Variants in RBBP6 observed in about 807,000 individuals in gnomAD.
RBBP6 encodes the protein E3 ubiquitin-protein ligase RBBP6.
In RBBP6, 25 loss-of-function variants were observed where a neutral mutation model predicts 167.7. That is an observed-to-expected ratio of 0.15 (90% CI 0.11 to 0.21). The LOEUF is 0.21. RBBP6 is among the 10% of genes least tolerant of loss of function. RBBP6 has a pLI of 1.00. For synonymous variants in RBBP6, 789 were observed against 735.8 expected (o/e 1.07, Z -1.17); for missense variants, 1,868 against 2,134.2 (o/e 0.88, Z 2.46).
intron 3 of RBBP6, chr16:24,549,296 CATG>C (rs1596501706): frequency 8.5e-7 from 1 of 1,171,894 alleles, no homozygotes; most frequent in Non-Finnish European, 1.1e-6. Flanking sequence ...CACTAAGGAA[CATG>C]ATGACATGTT....
Position 24,541,925 on chromosome 16 carries a change from A to G in RBBP6, c.166+1133A>G, listed in dbSNP as rs978630004. On this transcript the variant is annotated intron_variant, in intron 1 of 17. Coordinates refer to ENST00000319715, the MANE Select transcript of RBBP6 (RefSeq NM_006910.5). Reference sequence around the variant, plus strand: ...CCCACCTCCAGCCTGTAGTTTAGGTAGAGTAAATCTTGTCATGTAGAAGAC... The same window carrying G: ...CCCACCTCCAGCCTGTAGTTTAGGTGGAGTAAATCTTGTCATGTAGAAGAC... Among the ~76,000 whole-genome samples, 21 of 152,354 alleles carry G rather than the reference A, an allele frequency of 1.4e-4. 5 individuals are homozygous for G. Among genetic ancestry groups the G allele is most frequent in the South Asian group, 4.1e-4 (2 of 4,828 alleles).
Position 24,569,312 on chromosome 16 carries a change from C to T in RBBP6, c.2622C>T (p.Pro874=). 1 of 1,612,490 alleles carries T rather than the reference C, an allele frequency of 6.2e-7. No individual in the cohort carries two copies. ...TGCCACTTAACATCAGGAATTCTCC[C>T]TTCACAAGAGGCCGCAGAGAAGACT... ...RFLPLNIRNS[P]FTRGRREDYV... The change falls in exon 17 of 18, where the codon CCC becomes CCT. Residue 874 remains proline (P), a synonymous_variant. Coordinates refer to ENST00000319715, the MANE Select transcript of RBBP6 (RefSeq NM_006910.5).
At chr16:24,552,821 T>G (rs962932544) in intron 3 of RBBP6, among the ~76,000 whole-genome samples, 1 of 151,866 alleles carries the variant, frequency 6.6e-6, no homozygotes, top group South Asian at 2.1e-4. Context: ...ATATCCTTTA[T>G]GTACACTTGC....
Position 24,569,325 on chromosome 16 carries a change from C to T in RBBP6, c.2635C>T (p.Arg879Cys), listed in dbSNP as rs142636071. The T allele has an allele frequency of 2.9e-5, 46 of 1,613,194 alleles. No individual in the cohort carries two copies. The highest frequency in any genetic ancestry group is 2.0e-4 in the African/African-American group (15 of 74,882). The change falls in exon 17 of 18, where the codon CGC becomes TGC. Residue 879 changes from arginine to cysteine, a missense_variant. Coordinates refer to ENST00000319715, the MANE Select transcript of RBBP6 (RefSeq NM_006910.5). Reference sequence around the variant, plus strand: ...CAGGAATTCTCCCTTCACAAGAGGCCGCAGAGAAGACTATGTTGGTGGGCA... The same window carrying T: ...CAGGAATTCTCCCTTCACAAGAGGCTGCAGAGAAGACTATGTTGGTGGGCA... ...NIRNSPFTRG[R>C]REDYVGGQSH...
At chr16:24,565,072 C>G (rs571658508) in intron 14 of RBBP6, among the ~76,000 whole-genome samples, 1 of 152,256 alleles carries the variant, frequency 6.6e-6, no homozygotes, top group South Asian at 2.1e-4. Flanking sequence ...GTTTTTAAGA[C>G]ATTTTTAATA....
chr16:24,553,242 G>T (rs1014775931), intron 3 of RBBP6: 1 of 347,224 alleles, frequency 2.9e-6, no homozygotes, highest in Non-Finnish European at 5.4e-6. Context: ...CTAGTATTCA[G>T]TCGACACTCT....
At chr16:24,555,283 G>C (rs1317006029) in intron 4 of RBBP6, 1 of 176,902 alleles carries the variant, frequency 5.7e-6, no homozygotes, top group African/African-American at 2.4e-5. Flanking sequence ...TCTGACACTT[G>C]AATTATTTTT....
chr16:24,559,824 CTGTT>C, intron 8 of RBBP6, 147 bp downstream of exon 8: 1 of 638,990 alleles, frequency 1.6e-6, no homozygotes, highest in Non-Finnish European at 2.3e-6. Context: ...AGTGAGAAGT[CTGTT>C]TTTCTTGCTG....
chr16:24,547,662 G>C (rs773160139), intron 2 of RBBP6, among the ~76,000 whole-genome samples: 1 of 152,108 alleles, frequency 6.6e-6, no homozygotes, highest in Non-Finnish European at 1.5e-5. Flanking sequence ...CACCATGTTG[G>C]CCCGGCTGGT....
intron 1 of RBBP6, among the ~76,000 whole-genome samples, chr16:24,544,290 G>C (rs936271702): frequency 6.6e-6 from 1 of 152,098 alleles, no homozygotes; most frequent in Non-Finnish European, 1.5e-5. Flanking sequence ...AAGCTTCCTC[G>C]GAATTTGGGG....
chr16:24,563,065 T>G (rs976593009), intron 10 of RBBP6, 134 bp from the exon 11 acceptor site: 16 of 614,346 alleles, frequency 2.6e-5, no homozygotes, highest in African/African-American at 7.7e-5. Context: ...TCTCTCACTT[T>G]CCTCAGAAGT....
chr16:24,560,057 G>A (rs1295431796), intron 8 of RBBP6, among the ~76,000 whole-genome samples: 1 of 150,284 alleles, frequency 6.7e-6, no homozygotes, highest in Non-Finnish European at 1.5e-5. Flanking sequence ...ATTGTGAATA[G>A]CTTATCCTAA....
At chr16:24,558,900 C>A (rs1344191877) in intron 7 of RBBP6, among the ~76,000 whole-genome samples, 1 of 152,094 alleles carries the variant, frequency 6.6e-6, no homozygotes, top group Admixed American at 6.6e-5. Context: ...ATAAGTAGAT[C>A]ATGGGTTTTG....
At chr16:24,548,662 A>G (rs1203085413) in intron 2 of RBBP6, among the ~76,000 whole-genome samples, 1 of 152,192 alleles carries the variant, frequency 6.6e-6, no homozygotes, top group Non-Finnish European at 1.5e-5. Context: ...AAATCCCTAT[A>G]CTACCTTTCA....
At chr16:24,570,836 A>G (rs1567281517) in intron 17 of RBBP6, 40 bp from the exon 18 acceptor site, 1 of 1,340,584 alleles carries the variant, frequency 7.5e-7, no homozygotes, top group East Asian at 2.6e-5. Flanking sequence ...ATTAATAGTA[A>G]ATTCTTCATT....
intron 8 of RBBP6, among the ~76,000 whole-genome samples, chr16:24,560,441 C>T (rs920144352): frequency 3.9e-5 from 6 of 152,196 alleles, no homozygotes; most frequent in Non-Finnish European, 7.3e-5. Flanking sequence ...ATTTACCATG[C>T]AGTTGTGACT....
At position 24,570,174 on chromosome 16, in the gene RBBP6, T is replaced by C; in HGVS notation, c.3484T>C (p.Ser1162Pro). ...EEKGVDKDFE[S>P]SSMKISKLEV... ...AAAAGGCGTAGATAAAGATTTTGAGTCTTCTTCAATGAAAATCTCGAAACT... is the reference window on the plus strand; with the variant it reads ...AAAAGGCGTAGATAAAGATTTTGAGCCTTCTTCAATGAAAATCTCGAAACT... The change falls in exon 17 of 18, where the codon TCT becomes CCT. Residue 1162 changes from serine (S) to proline (P), a missense_variant. By Grantham distance (74) the Ser-to-Pro change is moderately conservative (BLOSUM62 -1). Transcript: ENST00000319715. 1 of 1,598,634 alleles carries C rather than the reference T, an allele frequency of 6.3e-7. No homozygotes were observed. The highest frequency in any genetic ancestry group is 8.5e-7 in the Non-Finnish European group (1 of 1,176,548).
intron 3 of RBBP6, among the ~76,000 whole-genome samples, chr16:24,551,981 C>T (rs927809334): frequency 2.6e-5 from 4 of 151,606 alleles, no homozygotes; most frequent in Middle Eastern, 3.4e-3. Context: ...TTTCTACTTA[C>T]CACTTGAGAT....
chr16:24,553,493 G>A lies in RBBP6; in HGVS notation c.304-20G>A. 1 of 1,608,656 alleles carries A rather than the reference G, an allele frequency of 6.2e-7. No individual in the cohort carries two copies. The highest frequency in any genetic ancestry group is 8.5e-7 in the Non-Finnish European group (1 of 1,175,948). ...TTTTCAGTTTGGAACTTGAATGTGTGTTTAATTTTTTGTGAACAGATTGAT... is the reference window on the plus strand; with the variant it reads ...TTTTCAGTTTGGAACTTGAATGTGTATTTAATTTTTTGTGAACAGATTGAT... On this transcript the variant is annotated intron_variant, in intron 3 of 17. Transcript: ENST00000319715.
Sources: allele counts gnomAD v4.1 joint callset (sites outside exome capture counted in the v4.1 genomes callset), GRCh38; gene constraint gnomAD v4.1.1; transcripts MANE v1.5; gene names NCBI Gene and HGNC (gene_info 2026-07-23, HGNC 2026-07-21).